Variants in SIPA1L1 observed in about 807,000 individuals in gnomAD.
SIPA1L1 encodes signal-induced proliferation-associated 1-like protein 1.
Under a neutral mutation model 162.7 loss-of-function variants are expected in SIPA1L1, and 26 were observed. The ratio of observed to expected loss-of-function variants is 0.16; its 90% CI spans 0.12 to 0.22. The LOEUF is 0.22. Ranked by LOEUF, SIPA1L1 falls within the 10% of genes least tolerant of loss-of-function variation. SIPA1L1 has a pLI of 1.00. For missense variants in SIPA1L1, 1,874 were observed against 2,241.0 expected (o/e 0.84, Z 3.31); for synonymous variants, 829 against 837.4 (o/e 0.99, Z 0.17).
chr14:71,359,956 T>A (rs1296416864), intron 2 of SIPA1L1, among the ~76,000 whole-genome samples: 2 of 152,212 alleles, frequency 1.3e-5, no homozygotes, highest in Non-Finnish European at 2.9e-5. Context: ...GTTTTTGTTG[T>A]CAACATTGTG....
intron 7 of SIPA1L1, among the ~76,000 whole-genome samples, chr14:71,648,620 T>C (rs2149048172): frequency 6.6e-6 from 1 of 152,308 alleles, no homozygotes; most frequent in South Asian, 2.1e-4. Context: ...CCCAGTGAGA[T>C]CTGGGGCAGT....
intron 2 of SIPA1L1, among the ~76,000 whole-genome samples, chr14:71,411,913 T>C (rs2042433720): frequency 1.3e-5 from 2 of 152,252 alleles, no homozygotes; most frequent in Admixed American, 6.5e-5. Flanking sequence ...GTAATTCTGA[T>C]GGAATCTTTC....
At chr14:71,643,755 T>C (rs1316687223) in intron 7 of SIPA1L1, among the ~76,000 whole-genome samples, 1 of 152,228 alleles carries the variant, frequency 6.6e-6, no homozygotes, top group Non-Finnish European at 1.5e-5. Context: ...CAGATAATTG[T>C]GGATATTTTC....
At chr14:71,566,773 T>C (rs1015091834) in intron 4 of SIPA1L1, among the ~76,000 whole-genome samples, 6 of 152,220 alleles carry the variant, frequency 3.9e-5, no homozygotes, top group African/African-American at 1.4e-4. Flanking sequence ...CTGTATGATA[T>C]TGGTGATTGG....
intron 2 of SIPA1L1, among the ~76,000 whole-genome samples, chr14:71,488,799 G>A (rs1008977680): frequency 3.3e-5 from 5 of 152,100 alleles, no homozygotes; most frequent in African/African-American, 1.2e-4. Flanking sequence ...CTTCTGGATG[G>A]TATTCATGTA....
chr14:71,555,421 G>A (rs1314737301), intron 4 of SIPA1L1, among the ~76,000 whole-genome samples: 2 of 152,104 alleles, frequency 1.3e-5, no homozygotes, highest in African/African-American at 4.8e-5. Flanking sequence ...AGAGAGTTAG[G>A]GCCTTGCTCT....
intron 5 of SIPA1L1, among the ~76,000 whole-genome samples, chr14:71,604,549 T>TA (rs1244280468): frequency 1.3e-5 from 2 of 152,186 alleles, no homozygotes; most frequent in East Asian, 1.9e-4. Context: ...CATTTTTTTT[T>TA]AGCACTGAAT....
intron 17 of SIPA1L1, among the ~76,000 whole-genome samples, chr14:71,710,816 A>AG (rs2082821007): frequency 6.6e-6 from 1 of 151,758 alleles, no homozygotes; most frequent in Admixed American, 6.6e-5. Flanking sequence ...TCAAAAAAAA[A>AG]AAAAAAAAAG....
chr14:71,435,819 A>C (rs951880448), intron 2 of SIPA1L1, among the ~76,000 whole-genome samples: 1 of 152,208 alleles, frequency 6.6e-6, no homozygotes, highest in Non-Finnish European at 1.5e-5. Context: ...CTATTTCTCC[A>C]CATCCTCTCC....
chr14:71,733,153 A>G (rs372748077), intron 20 of SIPA1L1, among the ~76,000 whole-genome samples: 9 of 152,262 alleles, frequency 5.9e-5, no homozygotes, highest in African/African-American at 2.2e-4. Context: ...AGAGGTTGCA[A>G]TGAGCCGAGA....
chr14:71,457,418 C>A (rs559600324), intron 2 of SIPA1L1, among the ~76,000 whole-genome samples: 7 of 151,474 alleles, frequency 4.6e-5, no homozygotes, highest in Non-Finnish European at 7.4e-5. Context: ...TCTGCCTCAG[C>A]TTCCTGAGTA....
intron 2 of SIPA1L1, among the ~76,000 whole-genome samples, chr14:71,456,674 G>C (rs1480979192): frequency 1.3e-5 from 2 of 152,202 alleles, no homozygotes; most frequent in East Asian, 3.8e-4. Context: ...AATGTCTAAA[G>C]TGTGTTATAT....
intron 3 of SIPA1L1, among the ~76,000 whole-genome samples, chr14:71,525,794 A>G (rs1468201179): frequency 6.6e-6 from 1 of 152,200 alleles, no homozygotes; most frequent in Admixed American, 6.5e-5. Flanking sequence ...AAGTTCAGTG[A>G]CCTTCCAAAT....
chr14:71,436,585 A>T (rs1306725123), intron 2 of SIPA1L1, among the ~76,000 whole-genome samples: 1 of 151,978 alleles, frequency 6.6e-6, no homozygotes, highest in African/African-American at 2.4e-5. Flanking sequence ...GTATCCATTG[A>T]TTTGATGGCT....
At position 71,740,176 on chromosome 14, in the gene SIPA1L1, A is replaced by G. The variant is rs1177464114; in HGVS notation, c.*1015A>G. ...CAGTATTTGTAACTAGGAGAAGCTA[A>G]CAGTGAATGTTTAATTGTGAATTTT... On this transcript the variant is annotated 3_prime_UTR_variant, in exon 24 of 24. Coordinates refer to ENST00000381232, the MANE Select transcript of SIPA1L1 (RefSeq NM_001386936.1). The G allele has an allele frequency of 6.6e-6, 1 of 152,244 alleles. No homozygotes were observed. The highest frequency in any genetic ancestry group is 1.5e-5 in the Non-Finnish European group (1 of 68,044). The allele number at this position is 152,244 out of a possible 1,614,324, so 9.4% of individuals were successfully genotyped here.
intron 7 of SIPA1L1, among the ~76,000 whole-genome samples, chr14:71,635,757 A>T (rs1455405305): frequency 2.0e-5 from 3 of 152,212 alleles, no homozygotes; most frequent in Non-Finnish European, 2.9e-5. Context: ...AAAGCAAAAG[A>T]TCTAAATATA....
chr14:71,413,965 G>A (rs2042584513), intron 2 of SIPA1L1: 1 of 152,176 alleles, frequency 6.6e-6, no homozygotes, highest in Non-Finnish European at 1.5e-5. Context: ...GAGATTACCT[G>A]AAGTTGCACT....
chr14:71,690,065 CTTCTT>C (rs972566240), intron 13 of SIPA1L1, among the ~76,000 whole-genome samples: 1 of 152,178 alleles, frequency 6.6e-6, no homozygotes, highest in Non-Finnish European at 1.5e-5. Flanking sequence ...AATGTTTACT[CTTCTT>C]TTGTTTAGAA....
chr14:71,424,420 T>C lies in SIPA1L1; in HGVS notation c.-464-88323T>C, dbSNP rs548892627. Reference sequence around the variant, plus strand: ...TGATGTTTGCAACTGGTTTTTCATATGTTGCTTTTATTTTATTGAGGTAGT... The same window carrying C: ...TGATGTTTGCAACTGGTTTTTCATACGTTGCTTTTATTTTATTGAGGTAGT... On this transcript the variant is annotated intron_variant, in intron 2 of 23. Transcript: ENST00000381232. Among the ~76,000 whole-genome samples the C allele has an allele frequency of 2.0e-5, 3 of 152,222 alleles. No individual in the cohort carries two copies. In the South Asian group the frequency reaches 6.2e-4, roughly 32 times the overall value.
Sources: gnomAD v4.1 joint callset for allele counts (sites outside exome capture counted in the v4.1 genomes callset) on GRCh38, gnomAD v4.1.1 for gene constraint, MANE v1.5 for transcripts, NCBI Gene and HGNC (gene_info 2026-07-23, HGNC 2026-07-21) for gene names.